KCNH5: variants seen among roughly 807,000 people sequenced by gnomAD.
KCNH5 encodes the protein voltage-gated delayed rectifier potassium channel KCNH5.
A neutral mutation model predicts 96.1 loss-of-function variants in KCNH5; 46 were observed. The ratio of observed to expected loss-of-function variants is 0.48; its 90% CI spans 0.38 to 0.61. The LOEUF (loss-of-function observed/expected upper bound fraction) is 0.61. Ranked by LOEUF, KCNH5 falls within the 20% of genes least tolerant of loss-of-function variation. The probability of loss-of-function intolerance (pLI) is 0.00; values close to 1 mark genes in which losing one functional copy is unlikely to be tolerated. For missense variants in KCNH5, 907 were observed against 1,225.8 expected, an observed-to-expected ratio of 0.74 and a Z score of 3.88; for synonymous variants, 439 against 449.8, an observed-to-expected ratio of 0.98 and a Z score of 0.30.
chr14:63,023,002 G>A (rs1347027967), intron 1 of KCNH5, among the ~76,000 whole-genome samples: 2 of 151,868 alleles, frequency 1.3e-5, no homozygotes, highest in Non-Finnish European at 2.9e-5. Flanking sequence ...TCAGGAGATC[G>A]AGGCCAGCCT....
chr14:62,817,078 A>C (rs1395344479), intron 8 of KCNH5, among the ~76,000 whole-genome samples: 1 of 138,454 alleles, frequency 7.2e-6, no homozygotes, highest in Admixed American at 8.0e-5. Flanking sequence ...GTGTATCTAT[A>C]TATATATTAT....
At chr14:62,761,079 G>A (rs1885737377) in intron 10 of KCNH5, among the ~76,000 whole-genome samples, 1 of 152,164 alleles carries the variant, frequency 6.6e-6, no homozygotes. Context: ...GGTCGGCCAG[G>A]CAGGGTGGCT....
chr14:62,793,525 G>A (rs1057235725), intron 9 of KCNH5, among the ~76,000 whole-genome samples: 1 of 151,770 alleles, frequency 6.6e-6, no homozygotes, highest in Non-Finnish European at 1.5e-5. Context: ...GAAGCGTATA[G>A]AGAAACAAAA....
chr14:62,738,007 T>C (rs952402934), intron 10 of KCNH5, among the ~76,000 whole-genome samples: 1 of 152,028 alleles, frequency 6.6e-6, no homozygotes, highest in African/African-American at 2.4e-5. Context: ...CAGTAAGAGA[T>C]TAAAAACAAT....
intron 10 of KCNH5, among the ~76,000 whole-genome samples, chr14:62,720,605 T>C (rs893348691): frequency 3.9e-5 from 6 of 152,174 alleles, no homozygotes; most frequent in African/African-American, 1.2e-4. Context: ...AAGAGACTTT[T>C]TGAGTAGTTC....
chr14:62,940,184 A>G (rs1427283003), intron 7 of KCNH5, among the ~76,000 whole-genome samples: 2 of 152,162 alleles, frequency 1.3e-5, no homozygotes, highest in East Asian at 3.9e-4. Context: ...CACCTGCTTA[A>G]AGTTGTATTG....
chr14:62,767,071 A>C (rs12882526), intron 10 of KCNH5, among the ~76,000 whole-genome samples: 25,440 of 150,574 alleles, frequency 0.17, 2,539 homozygotes, highest in Non-Finnish European at 0.22. Context: ...CATATGGAAA[A>C]ATTCTCAACA....
rs550163855 is a variant in KCNH5, at chr14:62,818,555, G to A, written c.1570-15974C>T. Among the ~76,000 whole-genome samples, 24 of 152,066 alleles carry A rather than the reference G, an allele frequency of 1.6e-4. No homozygotes were observed. In the South Asian group the frequency reaches 2.3e-3, roughly 14 times the overall value. On this transcript the variant is annotated intron_variant, in intron 8 of 10. Coordinates refer to ENST00000322893, the MANE Select transcript of KCNH5 (RefSeq NM_139318.5). ...AACATGTAGAACATCCAAAACCCTC[G>A]GGTATCCCAGTAGAAATGTCAAATA...
In KCNH5 at chr14:62,782,728, G is replaced by A. The variant is rs188953425; in HGVS notation, c.1823-2804C>T. 1.2e-4 allele frequency among the ~76,000 whole-genome samples: 18 copies of A among 152,084 alleles called. No homozygotes were observed. The East Asian group carries it at 1.6e-3, about 13-fold the overall frequency. ...CGGGAGGCTGAGGCAGGAGAATGGCGTGAACCCGGGAGGCAGAGCTTGCAG... is the reference window on the plus strand; with the variant it reads ...CGGGAGGCTGAGGCAGGAGAATGGCATGAACCCGGGAGGCAGAGCTTGCAG... On this transcript the variant is annotated intron_variant, in intron 9 of 10. Coordinates refer to ENST00000322893, the MANE Select transcript of KCNH5 (RefSeq NM_139318.5).
intron 7 of KCNH5, among the ~76,000 whole-genome samples, chr14:62,916,260 T>C (rs1394236796): frequency 1.3e-5 from 2 of 152,154 alleles, no homozygotes; most frequent in East Asian, 3.9e-4. Flanking sequence ...CCAGCCAGGG[T>C]TTCAATCCAA....
chr14:62,758,143 CA>C (rs57935686), intron 10 of KCNH5, among the ~76,000 whole-genome samples: 35,501 of 103,934 alleles, frequency 0.34, 4,567 homozygotes, highest in South Asian at 0.56. Context: ...GACTCCATCT[CA>C]AAAAAAAAAA....
At chr14:62,718,330 C>T (rs1449394260) in intron 10 of KCNH5, among the ~76,000 whole-genome samples, 1 of 151,532 alleles carries the variant, frequency 6.6e-6, no homozygotes, top group Non-Finnish European at 1.5e-5. Flanking sequence ...GGTTTAGTAT[C>T]CAGAATATAT....
chr14:62,751,293 C>G (rs900825795), intron 10 of KCNH5, among the ~76,000 whole-genome samples: 12 of 152,124 alleles, frequency 7.9e-5, no homozygotes, highest in Non-Finnish European at 1.5e-5. Context: ...TCCATCTATT[C>G]CCCTGACCAT....
At chr14:62,823,451 A>C (rs149639028) in intron 8 of KCNH5, among the ~76,000 whole-genome samples, 1 of 152,094 alleles carries the variant, frequency 6.6e-6, no homozygotes, top group East Asian at 1.9e-4. Flanking sequence ...TAATGGAGTC[A>C]TGGTGAAATT....
chr14:62,942,844 G>C (rs1889813531), intron 7 of KCNH5, among the ~76,000 whole-genome samples: 1 of 152,110 alleles, frequency 6.6e-6, no homozygotes, highest in African/African-American at 2.4e-5. Context: ...TTTTTAGTTT[G>C]GTTTGTTTTG....
intron 1 of KCNH5, among the ~76,000 whole-genome samples, chr14:63,033,359 T>C (rs1891664323): frequency 6.6e-6 from 1 of 152,208 alleles, no homozygotes; most frequent in South Asian, 2.1e-4. Flanking sequence ...ATTTTCTTTT[T>C]CTCCTTAGGA....
intron 7 of KCNH5, among the ~76,000 whole-genome samples, chr14:62,936,904 C>T (rs1889693616): frequency 6.7e-6 from 1 of 148,470 alleles, no homozygotes; most frequent in Non-Finnish European, 1.5e-5. Flanking sequence ...TCACTTGAAC[C>T]CAGGAGGCAG....
At chr14:62,978,506 G>A (rs1199841215) in intron 6 of KCNH5, among the ~76,000 whole-genome samples, 1 of 151,162 alleles carries the variant, frequency 6.6e-6, no homozygotes, top group Non-Finnish European at 1.5e-5. Flanking sequence ...AGAATGGCGT[G>A]AACCCGGGAG....
intron 6 of KCNH5, among the ~76,000 whole-genome samples, chr14:62,962,637 GGAA>G (rs1255873974): frequency 6.6e-6 from 1 of 152,246 alleles, no homozygotes; most frequent in Non-Finnish European, 1.5e-5. Context: ...CACCTACAGA[GGAA>G]GAAGAAGTGA....
Sources: gnomAD v4.1 joint callset for allele counts (sites outside exome capture counted in the v4.1 genomes callset) on GRCh38, gnomAD v4.1.1 for gene constraint, MANE v1.5 for transcripts, NCBI Gene and HGNC (gene_info 2026-07-23, HGNC 2026-07-21) for gene names.